GRK3: variants seen among roughly 807,000 people sequenced by gnomAD.
The protein encoded by GRK3 is G protein-coupled receptor kinase 3, also known as adrenergic, beta, receptor kinase 2.
A neutral mutation model predicts 95.7 loss-of-function variants in GRK3; 54 were observed. The ratio of observed to expected loss-of-function variants is 0.56; its 90% CI spans 0.45 to 0.71. The LOEUF is 0.71. GRK3 is among the 30% of genes least tolerant of loss of function. The probability of loss-of-function intolerance (pLI) is 0.00; values close to 1 mark genes in which losing one functional copy is unlikely to be tolerated. For synonymous variants in GRK3, 281 were observed against 290.8 expected (o/e 0.97, Z 0.34); for missense variants, 649 against 851.2 (o/e 0.76, Z 2.96).
intron 2 of GRK3, among the ~76,000 whole-genome samples, chr22:25,609,268 C>A (rs2084476380): frequency 6.6e-6 from 1 of 152,048 alleles, no homozygotes; most frequent in African/African-American, 2.4e-5. Flanking sequence ...TACTTAGCTT[C>A]TCTGTCTGCA....
chr22:25,669,163 C>T (rs1436360405), intron 6 of GRK3, among the ~76,000 whole-genome samples: 3 of 152,110 alleles, frequency 2.0e-5, no homozygotes, highest in Admixed American at 2.0e-4. Context: ...GTCATGTAGC[C>T]TTTGACCTCA....
intron 2 of GRK3, among the ~76,000 whole-genome samples, chr22:25,628,234 C>G (rs1012077325): frequency 1.3e-5 from 2 of 152,182 alleles, no homozygotes; most frequent in Non-Finnish European, 2.9e-5. Flanking sequence ...AATGGGCACT[C>G]CTATCCATTG....
intron 2 of GRK3, among the ~76,000 whole-genome samples, chr22:25,622,282 G>A (rs144246658): frequency 2.0e-5 from 3 of 152,334 alleles, no homozygotes; most frequent in South Asian, 2.1e-4. Context: ...TGGAATGCAG[G>A]GAACACTGAC....
At chr22:25,612,142 A>G (rs369434478) in intron 2 of GRK3, among the ~76,000 whole-genome samples, 54 of 152,214 alleles carry the variant, frequency 3.5e-4, no homozygotes, top group African/African-American at 1.2e-3. Flanking sequence ...CTTTAGTGTC[A>G]TATTTAAGAG....
chr22:25,678,934 G>T lies in GRK3; in HGVS notation c.747+19G>T. On this transcript the variant is annotated intron_variant, in intron 9 of 20. Transcript: ENST00000324198. ...CACAGGAGTAAGTATTCAATTTCCA[G>T]CATTTCTTTTAAAAATGTTTTGTTT... 6.9e-7 allele frequency: 1 copy of T among 1,439,532 alleles called. No individual in the cohort carries two copies. 89.2% of individuals were successfully genotyped at this position (1,439,532 alleles called of 1,614,324 possible). A position where few individuals can be genotyped will look rare whatever the true frequency, so the allele number is the denominator to read the frequency against.
chr22:25,584,437 C>G (rs1296957783), intron 1 of GRK3, among the ~76,000 whole-genome samples: 3 of 152,186 alleles, frequency 2.0e-5, no homozygotes, highest in Non-Finnish European at 4.4e-5. Context: ...CTTTGTAACC[C>G]TTATTTTATT....
chr22:25,672,492 C>A, intron 7 of GRK3, 145 bp downstream of exon 7: 1 of 594,792 alleles, frequency 1.7e-6, no homozygotes, highest in Non-Finnish European at 3.0e-6. Flanking sequence ...AAGTACTAAG[C>A]ATTCACCCTC....
intron 15 of GRK3, 117 bp downstream of exon 15, chr22:25,704,326 G>T: frequency 4.3e-6 from 3 of 692,660 alleles, no homozygotes; most frequent in African/African-American, 1.8e-5. Flanking sequence ...GACTTGAAAG[G>T]GGAAAAAAAT....
At chr22:25,640,337 A>G (rs1177986655) in intron 2 of GRK3, among the ~76,000 whole-genome samples, 1 of 152,156 alleles carries the variant, frequency 6.6e-6, no homozygotes, top group African/African-American at 2.4e-5. Context: ...ATACTTAATT[A>G]CTTTATATTC....
intron 6 of GRK3, among the ~76,000 whole-genome samples, chr22:25,670,419 T>A (rs1045024187): frequency 6.6e-6 from 1 of 152,024 alleles, no homozygotes; most frequent in African/African-American, 2.4e-5. Context: ...GAGGATCACT[T>A]GAGCCTAGGA....
At chr22:25,682,218 C>T (rs1167508080) in intron 9 of GRK3, among the ~76,000 whole-genome samples, 3 of 152,034 alleles carry the variant, frequency 2.0e-5, no homozygotes, top group East Asian at 1.9e-4. Context: ...CAGAGGTGAC[C>T]GGATGTTTTA....
intron 1 of GRK3, among the ~76,000 whole-genome samples, chr22:25,598,380 T>C (rs2084386553): frequency 6.6e-6 from 1 of 152,018 alleles, no homozygotes. Context: ...GTTATTAAGA[T>C]GGCAGTTCTG....
intron 4 of GRK3, among the ~76,000 whole-genome samples, 168 bp from the exon 5 acceptor site, chr22:25,663,462 C>T (rs996213035): frequency 5.3e-5 from 8 of 152,152 alleles, no homozygotes; most frequent in African/African-American, 1.2e-4. Flanking sequence ...GCATTTGCTG[C>T]GATTGCCTAT....
At chr22:25,654,425 A>C (rs949357101) in intron 3 of GRK3, among the ~76,000 whole-genome samples, 3 of 152,328 alleles carry the variant, frequency 2.0e-5, no homozygotes, top group African/African-American at 7.2e-5. Context: ...ATATACATAC[A>C]CATGAAAACT....
In GRK3 at chr22:25,727,798, A is replaced by G. The variant is rs750076177; in HGVS notation, c.*5348A>G. On this transcript the variant is annotated 3_prime_UTR_variant, in exon 21 of 21. Coordinates refer to ENST00000324198, the MANE Select transcript of GRK3 (RefSeq NM_005160.4). ...AATGGAGAAATATTTTCAATTGTGTATTTGTATTACAAAGAACTTGAAATT... is the reference window on the plus strand; with the variant it reads ...AATGGAGAAATATTTTCAATTGTGTGTTTGTATTACAAAGAACTTGAAATT... The G allele has an allele frequency of 2.0e-5, 3 of 152,168 alleles. No individual in the cohort carries two copies. The highest frequency in any genetic ancestry group is 4.4e-5 in the Non-Finnish European group (3 of 68,020). 9.4% of individuals were successfully genotyped at this position (152,168 alleles called of 1,614,324 possible). A position where few individuals can be genotyped will look rare whatever the true frequency, so the allele number is the denominator to read the frequency against.
chr22:25,660,167 A>AT (rs2084900645), intron 3 of GRK3, among the ~76,000 whole-genome samples: 1 of 152,136 alleles, frequency 6.6e-6, no homozygotes. Context: ...TCTTTGATTT[A>AT]TTTTCCGACT....
intron 1 of GRK3, among the ~76,000 whole-genome samples, chr22:25,592,313 A>T (rs781251641): frequency 6.6e-6 from 1 of 152,138 alleles, no homozygotes; most frequent in Non-Finnish European, 1.5e-5. Flanking sequence ...TCATTTGCCC[A>T]TTTTTTATTA....
intron 11 of GRK3, among the ~76,000 whole-genome samples, chr22:25,689,391 T>A (rs1016194123): frequency 5.9e-5 from 9 of 152,202 alleles, no homozygotes; most frequent in African/African-American, 2.2e-4. Context: ...TGGTATTATT[T>A]AATTTCTATT....
chr22:25,571,402 C>T (rs1347829661), intron 1 of GRK3, among the ~76,000 whole-genome samples: 1 of 152,058 alleles, frequency 6.6e-6, no homozygotes, highest in Non-Finnish European at 1.5e-5. Context: ...AAAAATCTGC[C>T]TTGTGAGCAT....
Sources: allele counts gnomAD v4.1 joint callset (sites outside exome capture counted in the v4.1 genomes callset), GRCh38; gene constraint gnomAD v4.1.1; transcripts MANE v1.5; gene names NCBI Gene and HGNC (gene_info 2026-07-23, HGNC 2026-07-21).